DPP10: variants seen among roughly 807,000 people sequenced by gnomAD.
DPP10 encodes inactive dipeptidyl peptidase 10.
In DPP10, 33 loss-of-function variants were observed where a neutral mutation model predicts 120.9. The ratio of observed to expected loss-of-function variants is 0.27; its 90% CI spans 0.21 to 0.37. The LOEUF is 0.37. Ranked by LOEUF, DPP10 falls within the 10% of genes least tolerant of loss-of-function variation. The probability of loss-of-function intolerance (pLI) is 1.00; values close to 1 mark genes in which losing one functional copy is unlikely to be tolerated. For synonymous variants in DPP10, 337 were observed against 326.1 expected, an observed-to-expected ratio of 1.03 and a Z score of -0.36; for missense variants, 816 against 942.8, an observed-to-expected ratio of 0.87 and a Z score of 1.76.
intron 1 of DPP10, among the ~76,000 whole-genome samples, chr2:114,950,759 C>G (rs935394951): frequency 3.9e-5 from 6 of 152,038 alleles, no homozygotes; most frequent in Non-Finnish European, 5.9e-5. Flanking sequence ...AAATCCAGAA[C>G]AGGGTTTCAA....
rs181127655 is a variant in DPP10 at position 114,639,283 on chromosome 2, T to A, written c.60+196445T>A. Among the ~76,000 whole-genome samples the A allele has an allele frequency of 2.0e-4, 31 of 151,978 alleles. 1 individual carries two copies. The highest frequency in any genetic ancestry group is 6.1e-4 in the African/African-American group (25 of 41,274). On this transcript the variant is annotated intron_variant, in intron 1 of 25. Coordinates refer to ENST00000410059, the MANE Select transcript of DPP10 (RefSeq NM_020868.6). Reference sequence around the variant, plus strand: ...TCCTTTATAAAACCATCAGATCTCATGACACTTACTCCCCATCGTGAAAAC... The same window carrying A: ...TCCTTTATAAAACCATCAGATCTCAAGACACTTACTCCCCATCGTGAAAAC...
intron 1 of DPP10, among the ~76,000 whole-genome samples, chr2:115,004,756 G>A (rs1163202802): frequency 5.3e-5 from 8 of 152,152 alleles, no homozygotes; most frequent in Non-Finnish European, 8.8e-5. Flanking sequence ...ACAGCAGTCT[G>A]AGATCAAACT....
intron 1 of DPP10, among the ~76,000 whole-genome samples, chr2:114,834,288 C>G (rs569308928): frequency 1.3e-5 from 2 of 148,658 alleles, no homozygotes; most frequent in East Asian, 4.1e-4. Context: ...TATATATAAG[C>G]CATGTCTACA....
At chr2:115,224,851 T>G (rs1170157295) in intron 1 of DPP10, among the ~76,000 whole-genome samples, 1 of 152,230 alleles carries the variant, frequency 6.6e-6, no homozygotes, top group Non-Finnish European at 1.5e-5. Flanking sequence ...TACCGCATGT[T>G]GAACATTAAG....
At chr2:114,852,716 TC>T (rs2106494617) in intron 1 of DPP10, among the ~76,000 whole-genome samples, 1 of 152,254 alleles carries the variant, frequency 6.6e-6, no homozygotes, top group Admixed American at 6.5e-5. Flanking sequence ...GAATCAGTGA[TC>T]CAGAGCTGCT....
At chr2:115,779,175 T>C (rs1682460870) in intron 15 of DPP10, among the ~76,000 whole-genome samples, 1 of 152,134 alleles carries the variant, frequency 6.6e-6, no homozygotes, top group African/African-American at 2.4e-5. Flanking sequence ...AAAATGTGAT[T>C]TGAATCATAA....
At chr2:114,894,615 G>A (rs984804196) in intron 1 of DPP10, among the ~76,000 whole-genome samples, 1 of 152,146 alleles carries the variant, frequency 6.6e-6, no homozygotes, top group Non-Finnish European at 1.5e-5. Context: ...AGCTGTAATA[G>A]TTACTTTTCA....
chr2:115,315,295 A>G (rs2061741549), intron 2 of DPP10, among the ~76,000 whole-genome samples: 1 of 151,436 alleles, frequency 6.6e-6, no homozygotes, highest in Non-Finnish European at 1.5e-5. Flanking sequence ...ACACACACAC[A>G]TACATCTATA....
At chr2:115,560,480 C>T (rs183312585) in intron 5 of DPP10, among the ~76,000 whole-genome samples, 75 of 106,152 alleles carry the variant, frequency 7.1e-4, no homozygotes, top group African/African-American at 2.6e-3. Flanking sequence ...AAGGAGGAGA[C>T]GGGGGAAGTA....
intron 1 of DPP10, among the ~76,000 whole-genome samples, chr2:114,991,443 G>A (rs1440991901): frequency 6.6e-6 from 1 of 152,102 alleles, no homozygotes; most frequent in Non-Finnish European, 1.5e-5. Flanking sequence ...GACACAAAAG[G>A]GTAATTCTCT....
At chr2:115,784,574 C>A (rs1383803568) in intron 17 of DPP10, among the ~76,000 whole-genome samples, 1 of 152,104 alleles carries the variant, frequency 6.6e-6, no homozygotes, top group Non-Finnish European at 1.5e-5. Flanking sequence ...ACTCTTGTTG[C>A]CCAGGCTGGA....
At chr2:114,837,242 A>G (rs914100905) in intron 1 of DPP10, among the ~76,000 whole-genome samples, 1 of 152,182 alleles carries the variant, frequency 6.6e-6, no homozygotes, top group African/African-American at 2.4e-5. Flanking sequence ...CAGGCATAAG[A>G]AATTATAAAA....
At chr2:114,848,217 G>A (rs1450492190) in intron 1 of DPP10, among the ~76,000 whole-genome samples, 1 of 152,118 alleles carries the variant, frequency 6.6e-6, no homozygotes, top group Non-Finnish European at 1.5e-5. Flanking sequence ...TTGTGAAGAA[G>A]CAATTTCTCA....
At chr2:115,412,555 G>A (rs1473008403) in intron 3 of DPP10, among the ~76,000 whole-genome samples, 1 of 152,120 alleles carries the variant, frequency 6.6e-6, no homozygotes, top group African/African-American at 2.4e-5. Flanking sequence ...TAGAATTCTT[G>A]CAGCATTATT....
At chr2:115,573,152 A>G (rs1258397675) in intron 5 of DPP10, among the ~76,000 whole-genome samples, 1 of 152,178 alleles carries the variant, frequency 6.6e-6, no homozygotes, top group East Asian at 1.9e-4. Context: ...AGGAAATAGA[A>G]CAGTCAGAGC....
chr2:114,878,245 A>G (rs1468312647), intron 1 of DPP10, among the ~76,000 whole-genome samples: 1 of 152,080 alleles, frequency 6.6e-6, no homozygotes, highest in East Asian at 1.9e-4. Context: ...CTCCTCTTAG[A>G]CACAATCTAA....
chr2:114,862,828 T>G (rs1361222047), intron 1 of DPP10, among the ~76,000 whole-genome samples: 1 of 151,952 alleles, frequency 6.6e-6, no homozygotes, highest in African/African-American at 2.4e-5. Context: ...TACACAAATT[T>G]CTCATTTCAC....
intron 1 of DPP10, among the ~76,000 whole-genome samples, chr2:115,012,588 A>C (rs1202129011): frequency 6.6e-6 from 1 of 152,188 alleles, no homozygotes; most frequent in Non-Finnish European, 1.5e-5. Context: ...AGCAAAAAGT[A>C]TCACTATAGT....
At chr2:114,992,734 C>A (rs1700821263) in intron 1 of DPP10, among the ~76,000 whole-genome samples, 1 of 152,092 alleles carries the variant, frequency 6.6e-6, no homozygotes, top group Non-Finnish European at 1.5e-5. Flanking sequence ...TTACTAAATT[C>A]CTTTACTGGA....
Sources: gnomAD v4.1 joint callset for allele counts (sites outside exome capture counted in the v4.1 genomes callset) on GRCh38, gnomAD v4.1.1 for gene constraint, MANE v1.5 for transcripts, NCBI Gene and HGNC (gene_info 2026-07-23, HGNC 2026-07-21) for gene names.